Variants in DPCD observed in about 807,000 individuals in gnomAD.
The protein encoded by DPCD is deleted in primary ciliary dyskinesia homolog (mouse).
A neutral mutation model predicts 26.4 loss-of-function variants in DPCD; 20 were observed. The ratio of observed to expected loss-of-function variants is 0.76; its 90% CI spans 0.53 to 1.10. The LOEUF (loss-of-function observed/expected upper bound fraction) is 1.10. Ranked by LOEUF, DPCD falls within the 50% of genes least tolerant of loss-of-function variation. DPCD has a pLI of 0.00. For missense variants in DPCD, 202 were observed against 253.9 expected, an observed-to-expected ratio of 0.80 and a Z score of 1.39; for synonymous variants, 97 against 94.2, an observed-to-expected ratio of 1.03 and a Z score of -0.17.
Position 101,609,394 on chromosome 10 carries a change from G to A in DPCD, c.535G>A (p.Ala179Thr), listed in dbSNP as rs1307234372. 3.1e-6 allele frequency: 5 copies of A among 1,614,030 alleles called. No homozygotes were observed. The highest frequency in any genetic ancestry group is 4.2e-6 in the Non-Finnish European group (5 of 1,180,034). Residue 179 changes from alanine to threonine, a missense_variant, in exon 6 of 6, where the codon GCC becomes ACC. Coordinates refer to ENST00000370151, the MANE Select transcript of DPCD (RefSeq NM_015448.3). Reference sequence around the variant, plus strand: ...CCAGAAGCCAAAGGAGGTTGTGGTGGCCGAGTCTGAGCTACAGAAGGAACT... The same window carrying A: ...CCAGAAGCCAAAGGAGGTTGTGGTGACCGAGTCTGAGCTACAGAAGGAACT... Reference protein sequence around the residue: ...SYQKPKEVVVAESELQKELKK... With the variant: ...SYQKPKEVVVTESELQKELKK...
In DPCD at chr10:101,603,277, A is replaced by T. The variant is rs141453893; in HGVS notation, c.404+1941A>T. ...CCAGATCGTTCCCGAACCTAGTGGC[A>T]TTTTTACCTTCTACCTGGAAGAATG... On this transcript the variant is annotated intron_variant, in intron 4 of 5. Coordinates refer to ENST00000370151, the MANE Select transcript of DPCD (RefSeq NM_015448.3). This position sits in a 1 kb window ranked among gnomAD's most constrained non-coding sequence, Gnocchi z 4.6. Among the ~76,000 whole-genome samples, 43 of 152,222 alleles carry T rather than the reference A, an allele frequency of 2.8e-4. No individual in the cohort carries two copies. In the East Asian group the frequency reaches 4.8e-3, roughly 17 times the overall value.
intron 2 of DPCD, among the ~76,000 whole-genome samples, chr10:101,598,066 G>A (rs2063666620): frequency 6.6e-6 from 1 of 152,210 alleles, no homozygotes; most frequent in South Asian, 2.1e-4. Flanking sequence ...GAAATCAGCA[G>A]CTGACTTTCT....
At chr10:101,590,154 ATGTGAAGG>A (rs1379109131) in intron 1 of DPCD, among the ~76,000 whole-genome samples, 2 of 152,126 alleles carry the variant, frequency 1.3e-5, no homozygotes, top group African/African-American at 4.8e-5. Flanking sequence ...TAAGGACCCT[ATGTGAAGG>A]TGTGAAGGTA....
At chr10:101,594,612 G>A in intron 1 of DPCD, 46 bp from the exon 2 acceptor site, 1 of 1,592,034 alleles carries the variant, frequency 6.3e-7, no homozygotes, top group Non-Finnish European at 8.6e-7. Context: ...CAAGGGACAG[G>A]GCAAGGGGAG....
Position 101,609,412 on chromosome 10 carries a change from A to G in DPCD, c.553A>G (p.Lys185Glu). The change falls in exon 6 of 6, where the codon AAG becomes GAG. Residue 185 changes from lysine (K) to glutamate (E), a missense_variant. Physicochemically the swap from Lys to Glu is moderately conservative, Grantham distance 56. This residue lies in a region of DPCD where 118 missense variants were observed against 145.1 expected (regional missense o/e 0.81). Transcript: ENST00000370151. Reference protein sequence around the residue: ...EVVVAESELQKELKKVKTAHS... With the variant: ...EVVVAESELQEELKKVKTAHS... ...TGTGGTGGCCGAGTCTGAGCTACAG[A>G]AGGAACTAAAGAAGGTGAAGACAGC... 1 of 1,614,136 alleles carries G rather than the reference A, an allele frequency of 6.2e-7. No homozygotes were observed. Among genetic ancestry groups the G allele is most frequent in the Non-Finnish European group, 8.5e-7 (1 of 1,180,018 alleles).
chr10:101,604,446 T>C (rs2063720145), intron 4 of DPCD, among the ~76,000 whole-genome samples: 2 of 152,230 alleles, frequency 1.3e-5, no homozygotes, highest in South Asian at 4.1e-4. Flanking sequence ...CCAGAGTTTC[T>C]TTACCCATAC....
In DPCD at chr10:101,589,899, T is replaced by G. The variant is rs1384296185; in HGVS notation, c.64+1499T>G. ...TGAGACTGTGTCTCAGACAAAAAAATAAATAAGCCGTGCATCATGGCACAT... is the reference window on the plus strand; with the variant it reads ...TGAGACTGTGTCTCAGACAAAAAAAGAAATAAGCCGTGCATCATGGCACAT... On this transcript the variant is annotated intron_variant, in intron 1 of 5. Transcript: ENST00000370151. 2.0e-5 allele frequency among the ~76,000 whole-genome samples: 3 copies of G among 151,164 alleles called. No homozygotes were observed. The East Asian group carries it at 5.8e-4, about 29-fold the overall frequency.
intron 4 of DPCD, among the ~76,000 whole-genome samples, chr10:101,605,637 G>A (rs1589729151): frequency 1.3e-5 from 2 of 152,334 alleles, no homozygotes; most frequent in East Asian, 3.9e-4. Context: ...GAAGGCCACT[G>A]ATGTGTTGGA....
At chr10:101,605,955 G>A (rs1040157259) in intron 4 of DPCD, among the ~76,000 whole-genome samples, 3 of 152,208 alleles carry the variant, frequency 2.0e-5, no homozygotes, top group African/African-American at 7.2e-5. Flanking sequence ...ACCAACCTGA[G>A]AGAGTTGTTT....
intron 1 of DPCD, among the ~76,000 whole-genome samples, chr10:101,592,559 A>T (rs193050104): frequency 4.6e-5 from 7 of 152,232 alleles, no homozygotes; most frequent in Admixed American, 3.9e-4. Context: ...ATCTCTACAA[A>T]GAAATTTAAA....
rs1392781730 is a variant in DPCD at position 101,600,017 on chromosome 10, C to T, written c.146-721C>T. 6.6e-6 allele frequency among the ~76,000 whole-genome samples: 1 copy of T among 152,248 alleles called. No individual in the cohort carries two copies. The highest frequency in any genetic ancestry group is 2.4e-5 in the African/African-American group (1 of 41,548). ...TTTATAATTTTCATAATATATGTGCCTTAAAATCTTATGCAAGCATCTGGG... is the reference window on the plus strand; with the variant it reads ...TTTATAATTTTCATAATATATGTGCTTTAAAATCTTATGCAAGCATCTGGG... On this transcript the variant is annotated intron_variant, in intron 2 of 5. Transcript: ENST00000370151. This position sits in a 1 kb window ranked among gnomAD's most constrained non-coding sequence, Gnocchi z 4.7.
intron 1 of DPCD, among the ~76,000 whole-genome samples, chr10:101,592,138 G>A (rs1398565357): frequency 6.6e-6 from 1 of 151,984 alleles, no homozygotes; most frequent in African/African-American, 2.4e-5. Context: ...GTATAGATAA[G>A]TATCGAATAA....
At chr10:101,591,751 G>A (rs573365232) in intron 1 of DPCD, among the ~76,000 whole-genome samples, 7 of 151,876 alleles carry the variant, frequency 4.6e-5, no homozygotes, top group Admixed American at 2.6e-4. Flanking sequence ...GCGCAATCTC[G>A]GCGCACTGCA....
chr10:101,588,429 C>T, intron 1 of DPCD, 29 bp downstream of exon 1: 3 of 1,568,762 alleles, frequency 1.9e-6, no homozygotes, highest in Non-Finnish European at 2.6e-6. Context: ...CGGGCTCCTT[C>T]GTTTTTTTCC....
chr10:101,592,282 A>T lies in DPCD; in HGVS notation c.65-2376A>T, dbSNP rs2063615760. Among the ~76,000 whole-genome samples the T allele has an allele frequency of 2.0e-5, 3 of 152,318 alleles. 1 individual carries two copies. The South Asian group carries it at 6.2e-4, about 32-fold the overall frequency. ...GTAATCCCAGCTACTGGGGAAACTG[A>T]GGCAGGAAGCTCACTTGAGGCCAGA... On this transcript the variant is annotated intron_variant, in intron 1 of 5. Coordinates refer to ENST00000370151, the MANE Select transcript of DPCD (RefSeq NM_015448.3).
chr10:101,597,871 T>C (rs142867362), intron 2 of DPCD, among the ~76,000 whole-genome samples: 2 of 152,184 alleles, frequency 1.3e-5, no homozygotes, highest in African/African-American at 4.8e-5. Flanking sequence ...CACTTGTGCA[T>C]AGGAAAAATA....
intron 4 of DPCD, among the ~76,000 whole-genome samples, chr10:101,607,831 G>T (rs1384038779): frequency 6.6e-6 from 1 of 152,214 alleles, no homozygotes; most frequent in Non-Finnish European, 1.5e-5. Context: ...CCTGGCCAGA[G>T]CCTAAGCCAC....
chr10:101,603,000 C>A (rs2063708684), intron 4 of DPCD, among the ~76,000 whole-genome samples: 1 of 152,250 alleles, frequency 6.6e-6, no homozygotes, highest in Admixed American at 6.5e-5. Context: ...TGGCTGGAGG[C>A]CCAGGCTAGC....
At position 101,609,568 on chromosome 10, in the gene DPCD, T is replaced by TATC. The variant is rs1464803709; in HGVS notation, c.*99_*101dup. The TATC allele has an allele frequency of 9.4e-7, 1 of 1,060,898 alleles. No homozygotes were observed. The highest frequency in any genetic ancestry group is 1.6e-5 in the African/African-American group (1 of 63,308). The allele number at this position is 1,060,898 out of a possible 1,614,324, so 65.7% of individuals were successfully genotyped here. The stretch of plus-strand genomic sequence containing the variant: ...CGGCAGCCTCCTGTCTTCTAGGAGC[T>TATC]ATCAAGGGTCTCTAAGAACTGGGCA... On this transcript the variant is annotated 3_prime_UTR_variant, in exon 6 of 6. Transcript: ENST00000370151.
Sources: allele counts gnomAD v4.1 joint callset (sites outside exome capture counted in the v4.1 genomes callset), GRCh38; gene constraint gnomAD v4.1.1; regional missense constraint gnomAD v4.1.1; non-coding constraint Gnocchi (gnomAD v3.1); transcripts MANE v1.5; gene names NCBI Gene and HGNC (gene_info 2026-07-23, HGNC 2026-07-21).